Variants in LEPROT observed in about 807,000 individuals in gnomAD.
LEPROT encodes leptin receptor overlapping transcript, also known as leptin receptor gene-related protein.
In LEPROT, 3 loss-of-function variants were observed where a neutral mutation model predicts 15.4. The observed-to-expected ratio is 0.19, with a 90% CI of 0.09 to 0.50. The LOEUF (loss-of-function observed/expected upper bound fraction) is 0.50. Among genes scored for constraint, LEPROT ranks in the 20% least tolerant of loss-of-function variants. The pLI is 0.97. For synonymous variants in LEPROT, 59 were observed against 57.5 expected, an observed-to-expected ratio of 1.03 and a Z score of -0.12; for missense variants, 137 against 162.2, an observed-to-expected ratio of 0.84 and a Z score of 0.84.
intron 3 of LEPROT, 89 bp downstream of exon 3, chr1:65,430,137 T>G (rs1002198695): frequency 1.6e-5 from 19 of 1,169,352 alleles, no homozygotes; most frequent in Admixed American, 7.1e-5. Context: ...TGCTCATTAC[T>G]TAGGCTTTAT....
intron 2 of LEPROT, among the ~76,000 whole-genome samples, chr1:65,425,723 G>A (rs1406719639): frequency 1.3e-5 from 2 of 152,210 alleles, no homozygotes; most frequent in Non-Finnish European, 2.9e-5. Context: ...CAGTGGAGAT[G>A]CCAGCACAGT....
Position 65,435,313 on chromosome 1 carries a change from T to A in LEPROT, c.*3394T>A, listed in dbSNP as rs899283707. On this transcript the variant is annotated 3_prime_UTR_variant, in exon 4 of 4. Transcript: ENST00000371065. ...TAGTTCATTATGTTAATAACCTTCT[T>A]TATGTTCTCAGGGAAATGCTTAGGT... 12 of 985,168 alleles carry A rather than the reference T, an allele frequency of 1.2e-5. No individual in the cohort carries two copies. In the African/African-American group the frequency reaches 2.1e-4, roughly 17 times the overall value. The allele number at this position is 985,168 out of a possible 1,614,324, so 61.0% of individuals were successfully genotyped here.
Position 65,435,797 on chromosome 1 carries a change from A to G in LEPROT, c.*3878A>G. 2 of 979,880 alleles carry G rather than the reference A, an allele frequency of 2.0e-6. No homozygotes were observed. Among genetic ancestry groups the G allele is most frequent in the Non-Finnish European group, 2.4e-6 (2 of 824,878 alleles). 60.7% of individuals were successfully genotyped at this position (979,880 alleles called of 1,614,324 possible). A position where few individuals can be genotyped will look rare whatever the true frequency, so the allele number is the denominator to read the frequency against. ...CTGAGAAATATTATGTCTGTAGTAG[A>G]TAAATATTAGTTGTGCATTTTAATT... On this transcript the variant is annotated 3_prime_UTR_variant, in exon 4 of 4. Transcript: ENST00000371065.
chr1:65,432,658 A>C lies in LEPROT; in HGVS notation c.*739A>C, dbSNP rs966149585. ...ATTTAGGCAGTTCCTCAAATTTATGAAAAGTGTTCTCAGAATTGGGAGACA... is the reference window on the plus strand; with the variant it reads ...ATTTAGGCAGTTCCTCAAATTTATGCAAAGTGTTCTCAGAATTGGGAGACA... On this transcript the variant is annotated 3_prime_UTR_variant, in exon 4 of 4. Coordinates refer to ENST00000371065, the MANE Select transcript of LEPROT (RefSeq NM_017526.5). 1.0e-6 allele frequency: 1 copy of C among 984,194 alleles called. No individual in the cohort carries two copies. Among genetic ancestry groups the C allele is most frequent in the African/African-American group, 1.7e-5 (1 of 57,190 alleles). The allele number at this position is 984,194 out of a possible 1,614,324, so 61.0% of individuals were successfully genotyped here.
chr1:65,433,196 G>T lies in LEPROT; in HGVS notation c.*1277G>T. The T allele has an allele frequency of 7.1e-6, 7 of 985,324 alleles. No individual in the cohort carries two copies. The highest frequency in any genetic ancestry group is 8.4e-6 in the Non-Finnish European group (7 of 829,952). 61.0% of individuals were successfully genotyped at this position (985,324 alleles called of 1,614,324 possible). On this transcript the variant is annotated 3_prime_UTR_variant, in exon 4 of 4. Coordinates refer to ENST00000371065, the MANE Select transcript of LEPROT (RefSeq NM_017526.5). ...CCACCCCTACTCCTCAACAGTTCTG[G>T]TTTGCCCTGACTTCTCTACGGCTCT...
chr1:65,429,143 C>G (rs1018542165), intron 2 of LEPROT, among the ~76,000 whole-genome samples: 5 of 152,010 alleles, frequency 3.3e-5, no homozygotes, highest in African/African-American at 9.7e-5. Flanking sequence ...CGAGGGTGAC[C>G]TGGGGTACAT....
chr1:65,421,262 C>A (rs1455143171), intron 1 of LEPROT: 5 of 1,447,152 alleles, frequency 3.5e-6, no homozygotes, highest in East Asian at 2.5e-5. Context: ...TTCTCGCAGT[C>A]GTGGAGAGTA....
intron 1 of LEPROT, among the ~76,000 whole-genome samples, chr1:65,425,024 ATTTGGGACCT>A (rs1284778387): frequency 6.6e-6 from 1 of 152,226 alleles, no homozygotes; most frequent in Non-Finnish European, 1.5e-5. Flanking sequence ...ATTTGCTTGA[ATTTGGGACCT>A]TTTTTTCTTT....
At chr1:65,421,571 C>A in intron 1 of LEPROT, 2 of 1,224,276 alleles carry the variant, frequency 1.6e-6, no homozygotes, top group Non-Finnish European at 2.3e-6. Flanking sequence ...CAGTTAACAT[C>A]TGCTATAAAC....
chr1:65,434,209 TATC>T lies in LEPROT; in HGVS notation c.*2293_*2295del, dbSNP rs1381662439. On this transcript the variant is annotated 3_prime_UTR_variant, in exon 4 of 4. Coordinates refer to ENST00000371065, the MANE Select transcript of LEPROT (RefSeq NM_017526.5). ...AGAGAGCTATTCTGCAGTGCCTAAA[TATC>T]ATTTAAACAGTAAATATTAATAGGA... 5.1e-6 allele frequency: 5 copies of T among 981,942 alleles called. No homozygotes were observed. In the African/African-American group the frequency reaches 8.7e-5, roughly 17 times the overall value. The allele number at this position is 981,942 out of a possible 1,614,324, so 60.8% of individuals were successfully genotyped here.
chr1:65,429,948 A>C lies in LEPROT; in HGVS notation c.179A>C (p.Asp60Ala), dbSNP rs775559342. ...FIAKRVTYDSDATSSACRELA... is the reference protein window; with the variant it reads ...FIAKRVTYDSAATSSACRELA... ...GCCAAAAGAGTCACCTATGACTCAG[A>C]TGCAACCAGTAGTGCCTGTCGGGAA... Residue 60 changes from aspartate (D) to alanine (A), a missense_variant, in exon 3 of 4, where the codon GAT becomes GCT. Coordinates refer to ENST00000371065, the MANE Select transcript of LEPROT (RefSeq NM_017526.5). 3.8e-6 allele frequency: 6 copies of C among 1,575,900 alleles called. No homozygotes were observed. Among genetic ancestry groups the C allele is most frequent in the Non-Finnish European group, 5.2e-6 (6 of 1,151,680 alleles).
At chr1:65,425,257 C>T (rs1646337776) in intron 1 of LEPROT, 46 bp from the exon 2 acceptor site, 1 of 1,554,924 alleles carries the variant, frequency 6.4e-7, no homozygotes, top group African/African-American at 1.4e-5. Flanking sequence ...TAGTGCCTGA[C>T]AACCTCTACT....
Position 65,431,920 on chromosome 1 carries a change from C to A in LEPROT, c.*1C>A. The A allele has an allele frequency of 1.2e-6, 2 of 1,613,062 alleles. No homozygotes were observed. The highest frequency in any genetic ancestry group is 1.7e-6 in the Non-Finnish European group (2 of 1,179,654). ...TGATTTTAGCTGGGAGCAGTGGTAG[C>A]ACTTTATTCTGATTACAGTGCATTG... On this transcript the variant is annotated 3_prime_UTR_variant, in exon 4 of 4. Transcript: ENST00000371065.
chr1:65,421,180 C>A, intron 1 of LEPROT: 1 of 779,932 alleles, frequency 1.3e-6, no homozygotes, highest in Non-Finnish European at 1.9e-6. Flanking sequence ...CCTCTTTTTC[C>A]TAATGATTTT....
chr1:65,425,466 A>T, intron 2 of LEPROT, 88 bp downstream of exon 2: 1 of 1,140,256 alleles, frequency 8.8e-7, no homozygotes, highest in Non-Finnish European at 1.2e-6. Flanking sequence ...TCAATTTAGC[A>T]CCAAGTTCTA....
chr1:65,432,963 T>G lies in LEPROT; in HGVS notation c.*1044T>G, dbSNP rs1450959050. 1.0e-6 allele frequency: 1 copy of G among 984,968 alleles called. No homozygotes were observed. Among genetic ancestry groups the G allele is most frequent in the Non-Finnish European group, 1.2e-6 (1 of 829,702 alleles). 61.0% of individuals were successfully genotyped at this position (984,968 alleles called of 1,614,324 possible). ...AATCAAAATAAAAAACAAAACATAC[T>G]CTCTCCCCCAAAAAAACATCTCAGT... On this transcript the variant is annotated 3_prime_UTR_variant, in exon 4 of 4. Transcript: ENST00000371065.
intron 2 of LEPROT, among the ~76,000 whole-genome samples, chr1:65,428,919 TATA>T (rs1646431249): frequency 6.6e-6 from 1 of 152,152 alleles, no homozygotes. Flanking sequence ...TGTGAGCTCT[TATA>T]ATGAAGATCA....
In LEPROT at chr1:65,432,519, A is replaced by G. The variant is rs1646500230; in HGVS notation, c.*600A>G. 1 of 725,288 alleles carries G rather than the reference A, an allele frequency of 1.4e-6. No individual in the cohort carries two copies. The highest frequency in any genetic ancestry group is 1.9e-5 in the African/African-American group (1 of 51,884). The allele number at this position is 725,288 out of a possible 1,614,324, so 44.9% of individuals were successfully genotyped here. On this transcript the variant is annotated 3_prime_UTR_variant, in exon 4 of 4. Transcript: ENST00000371065. ...TCACACCCAACTTCCTTATCTTTCC[A>G]GTGGCTAAACCACTTAACCTCTCTG... is the stretch of plus-strand genomic sequence containing the variant.
At chr1:65,427,872 C>T (rs1314347038) in intron 2 of LEPROT, 5 of 253,300 alleles carry the variant, frequency 2.0e-5, no homozygotes, top group Non-Finnish European at 4.1e-5. Context: ...AACTCCTGGC[C>T]TCAAGTCATC....
Sources: gnomAD v4.1 joint callset for allele counts (sites outside exome capture counted in the v4.1 genomes callset) on GRCh38, gnomAD v4.1.1 for gene constraint, MANE v1.5 for transcripts, NCBI Gene and HGNC (gene_info 2026-07-23, HGNC 2026-07-21) for gene names.